MEIS1: variants seen among roughly 807,000 people sequenced by gnomAD.
MEIS1 encodes the protein Meis homeobox 1, also known as homeobox protein Meis1.
Under a neutral mutation model 50.8 loss-of-function variants are expected in MEIS1, and 5 were observed. The observed-to-expected ratio is 0.10, with a 90% CI of 0.05 to 0.21. The LOEUF is 0.21. MEIS1 is among the 10% of genes least tolerant of loss of function. The probability of loss-of-function intolerance (pLI) is 1.00; values close to 1 mark genes in which losing one functional copy is unlikely to be tolerated. For synonymous variants in MEIS1, 176 were observed against 179.3 expected (o/e 0.98, Z 0.15); for missense variants, 318 against 517.3 (o/e 0.61, Z 3.74).
intron 8 of MEIS1, among the ~76,000 whole-genome samples, chr2:66,516,323 C>G (rs1673967846): frequency 6.6e-6 from 1 of 152,056 alleles, no homozygotes; most frequent in African/African-American, 2.4e-5. Context: ...TCAGGTGAAG[C>G]AAGCATTCAC....
chr2:66,435,660 G>T lies in MEIS1; in HGVS notation c.-197G>T. 2.1e-6 allele frequency: 1 copy of T among 465,272 alleles called. No homozygotes were observed. 28.8% of individuals were successfully genotyped at this position (465,272 alleles called of 1,614,324 possible). A position where few individuals can be genotyped will look rare whatever the true frequency, so the allele number is the denominator to read the frequency against. ...AGCGCTTTTATGCTCAGTGACTCGGGCGCTTTGCTTCAGGTCCCGTAGACC... is the reference window on the plus strand; with the variant it reads ...AGCGCTTTTATGCTCAGTGACTCGGTCGCTTTGCTTCAGGTCCCGTAGACC... On this transcript the variant is annotated 5_prime_UTR_variant, in exon 1 of 13. Transcript: ENST00000272369.
intron 8 of MEIS1, among the ~76,000 whole-genome samples, chr2:66,545,606 C>T (rs749540161): frequency 3.3e-5 from 5 of 152,162 alleles, no homozygotes; most frequent in Non-Finnish European, 7.3e-5. Context: ...AGACATAGAC[C>T]TACTGTATAT....
chr2:66,469,985 T>C (rs1401397542), intron 7 of MEIS1, among the ~76,000 whole-genome samples: 2 of 152,034 alleles, frequency 1.3e-5, no homozygotes, highest in African/African-American at 4.8e-5. Flanking sequence ...AATGATAACC[T>C]AAGAACCTTG....
At chr2:66,555,270 C>CTT (rs1558562174) in intron 9 of MEIS1, among the ~76,000 whole-genome samples, 1 of 27,042 alleles carries the variant, frequency 3.7e-5, no homozygotes, top group Non-Finnish European at 9.3e-5. Context: ...CTCTCTCTCT[C>CTT]TCTCTCTCTC....
intron 7 of MEIS1, among the ~76,000 whole-genome samples, chr2:66,500,134 C>T (rs1206965663): frequency 6.6e-6 from 1 of 152,172 alleles, no homozygotes; most frequent in Non-Finnish European, 1.5e-5. Flanking sequence ...AACTGTTCTT[C>T]AATTGAGGGT....
intron 9 of MEIS1, among the ~76,000 whole-genome samples, chr2:66,565,529 G>A (rs1675326299): frequency 6.6e-6 from 1 of 152,186 alleles, no homozygotes; most frequent in Admixed American, 6.5e-5. Flanking sequence ...AGGGAGGAGG[G>A]TGCTTGCTAC....
At chr2:66,462,114 A>G (rs1385408835) in intron 6 of MEIS1, among the ~76,000 whole-genome samples, 3 of 152,256 alleles carry the variant, frequency 2.0e-5, no homozygotes, top group African/African-American at 7.2e-5. Flanking sequence ...CTGTTGTAGC[A>G]TAAAGGAGGA....
At chr2:66,471,318 A>G (rs952276463) in intron 7 of MEIS1, among the ~76,000 whole-genome samples, 1 of 152,194 alleles carries the variant, frequency 6.6e-6, no homozygotes, top group African/African-American at 2.4e-5. Context: ...TTGAACTCTC[A>G]TTTTTGAAAT....
chr2:66,550,360 A>G (rs543110975), intron 9 of MEIS1, among the ~76,000 whole-genome samples: 2 of 152,338 alleles, frequency 1.3e-5, no homozygotes, highest in African/African-American at 2.4e-5. Context: ...TCAAGTAACT[A>G]AAAGTTGTAA....
At chr2:66,444,089 A>G (rs762784785) in intron 6 of MEIS1, among the ~76,000 whole-genome samples, 4 of 152,104 alleles carry the variant, frequency 2.6e-5, no homozygotes, top group African/African-American at 4.8e-5. Flanking sequence ...AGTGAGTGAG[A>G]TGAAACAGGG....
chr2:66,442,702 A>G (rs1672025656), intron 5 of MEIS1, 200 bp from the exon 6 acceptor site: 2 of 514,574 alleles, frequency 3.9e-6, no homozygotes, highest in Admixed American at 4.2e-5. Flanking sequence ...GTCACTGTCA[A>G]TTTTCTGGGA....
intron 7 of MEIS1, among the ~76,000 whole-genome samples, chr2:66,469,883 T>G (rs6746952): frequency 0.061 from 9,271 of 152,086 alleles, 943 homozygotes; most frequent in African/African-American, 0.21. Context: ...ACTGCAGCTT[T>G]TCAGCTGAAA....
intron 7 of MEIS1, among the ~76,000 whole-genome samples, chr2:66,476,086 C>T (rs1309637570): frequency 2.0e-5 from 3 of 152,160 alleles, no homozygotes; most frequent in African/African-American, 7.2e-5. Flanking sequence ...TGTTGTTACT[C>T]TGGTTATTAT....
chr2:66,570,986 T>G, intron 12 of MEIS1: 1 of 406,530 alleles, frequency 2.5e-6, no homozygotes, highest in South Asian at 3.0e-5. Flanking sequence ...AATAACAATT[T>G]TATTCTTTTT....
chr2:66,494,895 TA>T (rs1486764337), intron 7 of MEIS1, among the ~76,000 whole-genome samples: 1 of 151,976 alleles, frequency 6.6e-6, no homozygotes, highest in African/African-American at 2.4e-5. Flanking sequence ...CATGAATGCA[TA>T]TGTTTGGGGA....
At chr2:66,463,996 G>T (rs1323639345) in intron 6 of MEIS1, 113 bp from the exon 7 acceptor site, 3 of 707,912 alleles carry the variant, frequency 4.2e-6, no homozygotes, top group Non-Finnish European at 7.4e-6. Context: ...GATGGGAAAG[G>T]TGGCATGGTT....
intron 8 of MEIS1, among the ~76,000 whole-genome samples, chr2:66,518,926 G>A (rs369939583): frequency 6.6e-6 from 1 of 152,288 alleles, no homozygotes; most frequent in South Asian, 2.1e-4. Flanking sequence ...GCCAGTAGTA[G>A]TAAATCTACA....
intron 8 of MEIS1, among the ~76,000 whole-genome samples, chr2:66,547,666 A>T (rs998340933): frequency 6.6e-6 from 1 of 152,204 alleles, no homozygotes; most frequent in African/African-American, 2.4e-5. Flanking sequence ...TGAAGATCAT[A>T]CTAAACTTTC....
chr2:66,499,985 A>G (rs1673509552), intron 7 of MEIS1, among the ~76,000 whole-genome samples: 1 of 152,170 alleles, frequency 6.6e-6, no homozygotes, highest in Non-Finnish European at 1.5e-5. Flanking sequence ...CTATGCTAAA[A>G]GGGCCTTGTG....
Sources: allele counts gnomAD v4.1 joint callset (sites outside exome capture counted in the v4.1 genomes callset), GRCh38; gene constraint gnomAD v4.1.1; transcripts MANE v1.5; gene names NCBI Gene and HGNC (gene_info 2026-07-23, HGNC 2026-07-21).